The following PRDM2 variants were observed in gnomAD, a reference collection of about 807,000 sequenced individuals.
PRDM2 encodes PR domain zinc finger protein 2.
A neutral mutation model predicts 130.0 loss-of-function variants in PRDM2; 30 were observed. The observed-to-expected ratio is 0.23, with a 90% CI of 0.17 to 0.31. PRDM2 has a LOEUF of 0.31. Among genes scored for constraint, PRDM2 ranks in the 10% least tolerant of loss-of-function variants. The pLI, the probability that PRDM2 is intolerant of heterozygous loss-of-function variation, is 1.00. For missense variants in PRDM2, 2,011 were observed against 2,108.4 expected (o/e 0.95, Z 0.90); for synonymous variants, 871 against 782.4 (o/e 1.11, Z -1.89).
intron 9 of PRDM2, among the ~76,000 whole-genome samples, chr1:13,821,304 C>T (rs1354744313): frequency 6.6e-6 from 1 of 151,988 alleles, no homozygotes; most frequent in African/African-American, 2.4e-5. Context: ...TGAAATATTA[C>T]ATTATTAGTG....
At chr1:13,784,763 T>C (rs1485502827) in intron 8 of PRDM2, among the ~76,000 whole-genome samples, 1 of 152,196 alleles carries the variant, frequency 6.6e-6, no homozygotes, top group Non-Finnish European at 1.5e-5. Flanking sequence ...AAGAATCAGA[T>C]AAGAAAACAC....
chr1:13,747,769 C>CAAAA (rs78988090), intron 5 of PRDM2, among the ~76,000 whole-genome samples: 18 of 48,318 alleles, frequency 3.7e-4, no homozygotes, highest in South Asian at 5.8e-4. Flanking sequence ...TCCCTCCCCG[C>CAAAA]AAAAAAAAAA....
intron 1 of PRDM2, among the ~76,000 whole-genome samples, chr1:13,711,075 G>A (rs2495055): frequency 0.83 from 123,370 of 149,244 alleles, 51,564 homozygotes; most frequent in African/African-American, 0.96. Flanking sequence ...ACAGAGTGAG[G>A]CTCTGTCTCA....
At chr1:13,768,013 CATT>C (rs1243905070) in intron 6 of PRDM2, among the ~76,000 whole-genome samples, 1 of 149,574 alleles carries the variant, frequency 6.7e-6, no homozygotes, top group Non-Finnish European at 1.5e-5. Context: ...CATATTAAGT[CATT>C]ATTGATATTA....
At position 13,805,633 on chromosome 1, in the gene PRDM2, A is replaced by G. The variant is rs547536172; in HGVS notation, c.5037-10794A>G. Among the ~76,000 whole-genome samples, 3 of 152,220 alleles carry G rather than the reference A, an allele frequency of 2.0e-5. No homozygotes were observed. In the South Asian group the frequency reaches 6.2e-4, roughly 32 times the overall value. ...TCTCCCCACCCTCTGCCTTTCCCCT[A>G]CCTTCAGCAAAAGTGCAGAATATCA... On this transcript the variant is annotated intron_variant, in intron 8 of 9. Coordinates refer to ENST00000311066, the MANE Select transcript of PRDM2 (RefSeq NM_001393986.1).
rs74900244 is a variant in PRDM2, at chr1:13,734,070, T to G, written c.231+1188T>G. ...GTTTCTCCCAATAATTTTGAGTTATTTGTTTCTTATGAATTTGTTATAATG... is the reference window on the plus strand; with the variant it reads ...GTTTCTCCCAATAATTTTGAGTTATGTGTTTCTTATGAATTTGTTATAATG... On this transcript the variant is annotated intron_variant, in intron 4 of 9. Coordinates refer to ENST00000311066, the MANE Select transcript of PRDM2 (RefSeq NM_001393986.1). 6.4e-3 allele frequency among the ~76,000 whole-genome samples: 970 copies of G among 152,314 alleles called. 31 individuals carry two copies. Among genetic ancestry groups the G allele is most frequent in the East Asian group, 0.055 (283 of 5,186 alleles).
chr1:13,748,511 C>T (rs1036546192), intron 5 of PRDM2, among the ~76,000 whole-genome samples: 3 of 152,184 alleles, frequency 2.0e-5, no homozygotes, highest in African/African-American at 7.2e-5. Context: ...TAGAATTTTA[C>T]TTGTATTGAT....
intron 8 of PRDM2, among the ~76,000 whole-genome samples, chr1:13,788,514 G>A (rs1644786112): frequency 6.6e-6 from 1 of 152,156 alleles, no homozygotes; most frequent in African/African-American, 2.4e-5. Context: ...ACTATAAGCG[G>A]TTTCCTATAG....
intron 2 of PRDM2, among the ~76,000 whole-genome samples, chr1:13,724,597 C>T (rs576634961): frequency 4.2e-4 from 64 of 150,676 alleles, no homozygotes; most frequent in Admixed American, 5.3e-4. Context: ...CAGGTTCAAG[C>T]GATTCTCCTG....
At chr1:13,772,947 C>T (rs1007480991) in intron 6 of PRDM2, 131 bp from the exon 7 acceptor site, 14 of 538,756 alleles carry the variant, frequency 2.6e-5, no homozygotes, top group Non-Finnish European at 4.5e-5. Context: ...GTGGTAATTG[C>T]CCAGGAATAT....
chr1:13,759,787 TG>T (rs1453167985), intron 6 of PRDM2, among the ~76,000 whole-genome samples: 1 of 152,208 alleles, frequency 6.6e-6, no homozygotes, highest in Non-Finnish European at 1.5e-5. Flanking sequence ...CTGTAATTTT[TG>T]TAGGATTAGC....
At chr1:13,816,086 G>C (rs1458549052) in intron 8 of PRDM2, among the ~76,000 whole-genome samples, 1 of 152,186 alleles carries the variant, frequency 6.6e-6, no homozygotes, top group African/African-American at 2.4e-5. Context: ...GATGCAATCG[G>C]AGTCATTCTG....
In PRDM2 at chr1:13,787,256, A is replaced by G. The variant is rs956803489; in HGVS notation, c.5036+4425A>G. On this transcript the variant is annotated intron_variant, in intron 8 of 9. Transcript: ENST00000311066. ...AGACTATGTAGCAATATATCAGTGC[A>G]CAGGCGCATCCCAGGCCTGTACAGA... The G allele has an allele frequency of 4.1e-6, 4 of 983,766 alleles. No homozygotes were observed. In the African/African-American group the frequency reaches 7.0e-5, roughly 17 times the overall value. 60.9% of individuals were successfully genotyped at this position (983,766 alleles called of 1,614,324 possible).
chr1:13,781,718 G>A lies in PRDM2; in HGVS notation c.3923G>A (p.Arg1308His), dbSNP rs757757342. 6.2e-6 allele frequency: 10 copies of A among 1,614,124 alleles called. No individual in the cohort carries two copies. The highest frequency in any genetic ancestry group is 4.5e-5 in the East Asian group (2 of 44,888). The change falls in exon 8 of 10, where the codon CGT becomes CAT. Residue 1308 changes from arginine to histidine, a missense_variant. Arg to His is a conservative substitution (Grantham distance 29, BLOSUM62 0). Coordinates refer to ENST00000311066, the MANE Select transcript of PRDM2 (RefSeq NM_001393986.1). The surrounding 1 kb of genome is among the most constrained non-coding windows in gnomAD (Gnocchi z 6.1). Reference protein sequence around the residue: ...FKPPPFQYHHRNPMGIGVTAT... With the variant: ...FKPPPFQYHHHNPMGIGVTAT... ...CCACCTCCATTTCAGTACCATCACCGTAACCCCATGGGGATTGGTGTGACA... is the reference window on the plus strand; with the variant it reads ...CCACCTCCATTTCAGTACCATCACCATAACCCCATGGGGATTGGTGTGACA...
intron 8 of PRDM2, among the ~76,000 whole-genome samples, chr1:13,815,690 T>C (rs1043604899): frequency 2.0e-5 from 3 of 152,202 alleles, no homozygotes; most frequent in Admixed American, 6.5e-5. Flanking sequence ...GTGAGTTATC[T>C]ATCTTTTAAA....
At chr1:13,793,693 A>G (rs557443502) in intron 8 of PRDM2, among the ~76,000 whole-genome samples, 6 of 152,294 alleles carry the variant, frequency 3.9e-5, no homozygotes, top group African/African-American at 1.2e-4. Context: ...GTGCGGAGCA[A>G]TTGAGTCCCG....
At chr1:13,765,830 C>T (rs1248095300) in intron 6 of PRDM2, among the ~76,000 whole-genome samples, 3 of 152,200 alleles carry the variant, frequency 2.0e-5, no homozygotes, top group Non-Finnish European at 4.4e-5. Context: ...CTTACCAACA[C>T]AATCTATTAC....
intron 8 of PRDM2, chr1:13,787,798 A>G (rs1644771915): frequency 1.0e-6 from 1 of 981,032 alleles, no homozygotes; most frequent in Non-Finnish European, 1.2e-6. Context: ...AGAGTGCTAT[A>G]AAAGACTATT....
chr1:13,753,170 A>G (rs1374033176), intron 6 of PRDM2, among the ~76,000 whole-genome samples: 1 of 152,210 alleles, frequency 6.6e-6, no homozygotes, highest in Non-Finnish European at 1.5e-5. Flanking sequence ...TAACCTATTG[A>G]CCTCGCTGTT....
Sources: allele counts gnomAD v4.1 joint callset (sites outside exome capture counted in the v4.1 genomes callset), GRCh38; gene constraint gnomAD v4.1.1; non-coding constraint Gnocchi (gnomAD v3.1); transcripts MANE v1.5; gene names NCBI Gene and HGNC (gene_info 2026-07-23, HGNC 2026-07-21).